Variants in PRDM2 observed in about 807,000 individuals in gnomAD.
PRDM2 encodes PR domain zinc finger protein 2.
PRDM2 carries 30 observed loss-of-function variants against 130.0 expected under a neutral mutation model. The ratio of observed to expected loss-of-function variants is 0.23; its 90% CI spans 0.17 to 0.31. PRDM2 has a LOEUF of 0.31. PRDM2 is among the 10% of genes least tolerant of loss of function. The probability of loss-of-function intolerance (pLI) is 1.00; values close to 1 mark genes in which losing one functional copy is unlikely to be tolerated. For missense variants in PRDM2, 2,011 were observed against 2,108.4 expected (o/e 0.95, Z 0.90); for synonymous variants, 871 against 782.4 (o/e 1.11, Z -1.89).
intron 6 of PRDM2, among the ~76,000 whole-genome samples, chr1:13,759,712 A>T (rs954153309): frequency 1.3e-5 from 2 of 152,190 alleles, no homozygotes; most frequent in African/African-American, 4.8e-5. Context: ...CACCATGATG[A>T]TAATAGTTGT....
rs376051247 is a variant in PRDM2, at chr1:13,816,437, C to T, written c.5047C>T (p.Arg1683Cys). ...CCTCTTCCTGCACAGCTACAGCCTC[C>T]GCTTGGCGTCCCGATGCTCTCCACC... ...QELKDFSYSL[R>C]LASRCSPPAA... is the part of the protein sequence containing the mutation. Residue 1683 changes from arginine to cysteine, a missense_variant, in exon 9 of 10, where the codon CGC becomes TGC. Physicochemically the swap from Arg to Cys is radical, Grantham distance 180 (BLOSUM62 -3). Around this residue, in one of 5 missense-constraint regions of PRDM2, gnomAD observed 410 missense variants for 395.9 expected, o/e 1.04. Transcript: ENST00000311066. 4.0e-5 allele frequency: 65 copies of T among 1,614,030 alleles called. 1 individual carries two copies. The highest frequency in any genetic ancestry group is 1.2e-4 in the African/African-American group (9 of 74,920).
At chr1:13,799,906 G>A (rs902664682) in intron 8 of PRDM2, among the ~76,000 whole-genome samples, 2 of 152,196 alleles carry the variant, frequency 1.3e-5, no homozygotes, top group African/African-American at 4.8e-5. Context: ...AAATGTGCCG[G>A]GACCAGGGCA....
rs761797081 is a variant in PRDM2 at position 13,778,838 on chromosome 1, A to AAGAGGCCAATGGTGATGT, written c.1045_1062dup (p.Glu349_Val354dup). 3 of 1,614,186 alleles carry AAGAGGCCAATGGTGATGT rather than the reference A, an allele frequency of 1.9e-6. No individual in the cohort carries two copies. The South Asian group carries it at 3.3e-5, about 18-fold the overall frequency. On this transcript the variant is annotated inframe_insertion, in exon 8 of 10. Transcript: ENST00000311066. ...GCCATGCAAATCCCCAGAACTAAAG[A>AAGAGGCCAATGGTGATGT]AGAGGCCAATGGTGATGTATTTGAA... is the stretch of plus-strand genomic sequence containing the variant.
At chr1:13,764,318 A>G (rs1253183024) in intron 6 of PRDM2, among the ~76,000 whole-genome samples, 4 of 152,120 alleles carry the variant, frequency 2.6e-5, no homozygotes, top group Non-Finnish European at 5.9e-5. Context: ...AGGTTTTCAG[A>G]TTTTAGGTAC....
chr1:13,799,150 T>G (rs1446168772), intron 8 of PRDM2, among the ~76,000 whole-genome samples: 3 of 152,070 alleles, frequency 2.0e-5, no homozygotes, highest in Admixed American at 1.3e-4. Flanking sequence ...AACAGAGAAT[T>G]AAGAATTGTG....
chr1:13,748,802 T>G (rs1643696854), intron 5 of PRDM2, among the ~76,000 whole-genome samples: 1 of 152,192 alleles, frequency 6.6e-6, no homozygotes, highest in Non-Finnish European at 1.5e-5. Flanking sequence ...CGGACCTCCC[T>G]GGACCAGAGC....
chr1:13,773,014 G>GGAAT (rs1238489490), intron 6 of PRDM2, 64 bp from the exon 7 acceptor site: 6 of 895,450 alleles, frequency 6.7e-6, no homozygotes, highest in African/African-American at 1.7e-5. Context: ...AACACATGAG[G>GGAAT]GAATGAATGA....
At position 13,717,335 on chromosome 1, in the gene PRDM2, T is replaced by A. The variant is rs1484585812; in HGVS notation, c.9+1721T>A. Reference sequence around the variant, plus strand: ...ATTTTCCTATTTTAAGATTGATTCTTATTACGAACCTGGTCACCCAAAGGA... The same window carrying A: ...ATTTTCCTATTTTAAGATTGATTCTAATTACGAACCTGGTCACCCAAAGGA... On this transcript the variant is annotated intron_variant, in intron 2 of 9. Transcript: ENST00000311066. 4.5e-6 allele frequency: 3 copies of A among 666,624 alleles called. No homozygotes were observed. In the African/African-American group the frequency reaches 5.9e-5, roughly 13 times the overall value. 41.3% of individuals were successfully genotyped at this position (666,624 alleles called of 1,614,324 possible). A position where few individuals can be genotyped will look rare whatever the true frequency, so the allele number is the denominator to read the frequency against.
intron 8 of PRDM2, among the ~76,000 whole-genome samples, chr1:13,784,344 G>T (rs1262708773): frequency 2.0e-5 from 3 of 152,176 alleles, no homozygotes; most frequent in Non-Finnish European, 4.4e-5. Flanking sequence ...CAAGTTGCTT[G>T]TGTCTTCAAC....
rs1245213124 is a variant in PRDM2 at position 13,812,311 on chromosome 1, T to A, written c.5037-4116T>A. On this transcript the variant is annotated intron_variant, in intron 8 of 9. Transcript: ENST00000311066. ...CAGAATTAAGGGACCCGGAGATGGA[T>A]CAGCTTTAGGGTAAGCACAGCGGGG... Among the ~76,000 whole-genome samples the A allele has an allele frequency of 9.4e-5, 11 of 116,554 alleles. No individual in the cohort carries two copies. In the Admixed American group the frequency reaches 1.0e-3, roughly 11 times the overall value. The allele number at this position is 116,554 out of a possible 152,430, so 76.5% of individuals were successfully genotyped here. A position where few individuals can be genotyped will look rare whatever the true frequency, so the allele number is the denominator to read the frequency against.
At chr1:13,735,575 C>T (rs752137667) in intron 4 of PRDM2, among the ~76,000 whole-genome samples, 13 of 151,536 alleles carry the variant, frequency 8.6e-5, no homozygotes, top group Admixed American at 3.9e-4. Flanking sequence ...GTTTTTGGAG[C>T]AGTTTTAGGT....
At chr1:13,701,906 T>A (rs1642083155) in intron 1 of PRDM2, among the ~76,000 whole-genome samples, 1 of 152,240 alleles carries the variant, frequency 6.6e-6, no homozygotes, top group African/African-American at 2.4e-5. Context: ...GAAAGGTTGG[T>A]ATGTTCAGGT....
intron 2 of PRDM2, among the ~76,000 whole-genome samples, chr1:13,730,279 A>G (rs2100467300): frequency 6.6e-6 from 1 of 152,328 alleles, no homozygotes; most frequent in East Asian, 1.9e-4. Context: ...TTCCTTACAT[A>G]CATATCTAAT....
intron 8 of PRDM2, chr1:13,788,175 A>AAT: frequency 1.1e-6 from 1 of 879,940 alleles, no homozygotes; most frequent in Non-Finnish European, 1.4e-6. Context: ...ACTCTAATTT[A>AAT]AAAGTGCGGC....
In PRDM2 at chr1:13,781,909, C is replaced by T. The variant is rs139094603; in HGVS notation, c.4114C>T (p.Pro1372Ser). ...GTACACGCCTAAGAAAAACCCAGTA[C>T]CATTAAAACAAACTGTGCAACCCAA... ...KRYTPKKNPV[P>S]LKQTVQPKNG... The change falls in exon 8 of 10, where the codon CCA becomes TCA. Residue 1372 changes from proline to serine, a missense_variant. Transcript: ENST00000311066. This position sits in a 1 kb window ranked among gnomAD's most constrained non-coding sequence, Gnocchi z 6.1. 20 of 1,614,056 alleles carry T rather than the reference C, an allele frequency of 1.2e-5. No individual in the cohort carries two copies. The African/African-American group carries it at 2.3e-4, about 18-fold the overall frequency.
intron 8 of PRDM2, among the ~76,000 whole-genome samples, chr1:13,812,797 G>A (rs80321197): frequency 0.016 from 2,440 of 152,274 alleles, 58 homozygotes; most frequent in South Asian, 0.11. Context: ...CACCCACTAG[G>A]AGCATCTCAC....
chr1:13,700,241 C>A lies in PRDM2; in HGVS notation c.-125C>A, dbSNP rs1215086622. 6.6e-6 allele frequency: 1 copy of A among 152,068 alleles called. No homozygotes were observed. Among genetic ancestry groups the A allele is most frequent in the Non-Finnish European group, 1.5e-5 (1 of 68,116 alleles). The allele number at this position is 152,068 out of a possible 1,614,324, so 9.4% of individuals were successfully genotyped here. A position where few individuals can be genotyped will look rare whatever the true frequency, so the allele number is the denominator to read the frequency against. The stretch of plus-strand genomic sequence containing the variant: ...GCGCGGCCGCGGGCGCCGGGGCCGG[C>A]GAAACAGCGGCGGCGGCGGCGGCCC... On this transcript the variant is annotated 5_prime_UTR_variant, in exon 1 of 10. Coordinates refer to ENST00000311066, the MANE Select transcript of PRDM2 (RefSeq NM_001393986.1).
chr1:13,731,252 T>C, intron 3 of PRDM2, 135 bp downstream of exon 3: 1 of 682,794 alleles, frequency 1.5e-6, no homozygotes, highest in Non-Finnish European at 2.5e-6. Flanking sequence ...GATTATATGG[T>C]GTTGATGCAT....
rs759423571 is a variant in PRDM2 at position 13,780,687 on chromosome 1, C to G, written c.2892C>G (p.Leu964=). The change falls in exon 8 of 10, where the codon CTC becomes CTG. Residue 964 remains leucine (L), a synonymous_variant. Transcript: ENST00000311066. ...PSLSSGQLPP[L]LIPTDPSSPP... ...TTTCATCCGGTCAGCTGCCTCCTCT[C>G]TTGATCCCCACAGATCCCTCTTCCC... 1.2e-6 allele frequency: 2 copies of G among 1,609,988 alleles called. No individual in the cohort carries two copies. Among genetic ancestry groups the G allele is most frequent in the Non-Finnish European group, 1.7e-6 (2 of 1,177,778 alleles).
Sources: allele counts gnomAD v4.1 joint callset (sites outside exome capture counted in the v4.1 genomes callset), GRCh38; gene constraint gnomAD v4.1.1; regional missense constraint gnomAD v4.1.1; non-coding constraint Gnocchi (gnomAD v3.1); transcripts MANE v1.5; gene names NCBI Gene and HGNC (gene_info 2026-07-23, HGNC 2026-07-21).